Variants in PPP2R2B observed in about 807,000 individuals in gnomAD.
PPP2R2B encodes protein phosphatase 2 regulatory subunit Bbeta.
In PPP2R2B, 5 loss-of-function variants were observed where a neutral mutation model predicts 46.0. The ratio of observed to expected loss-of-function variants is 0.11; its 90% confidence interval spans 0.06 to 0.23. The LOEUF (loss-of-function observed/expected upper bound fraction) is 0.23. Ranked by LOEUF, PPP2R2B falls within the 10% of genes least tolerant of loss-of-function variation. The pLI, the probability that PPP2R2B is intolerant of heterozygous loss-of-function variation, is 1.00. For missense variants in PPP2R2B, 367 were observed against 575.0 expected, an observed-to-expected ratio of 0.64 and a Z score of 3.70; for synonymous variants, 215 against 206.7, an observed-to-expected ratio of 1.04 and a Z score of -0.34.
chr5:146,988,500 C>T (rs183415205), intron 1 of PPP2R2B, among the ~76,000 whole-genome samples: 1 of 151,968 alleles, frequency 6.6e-6, no homozygotes, highest in African/African-American at 2.4e-5. Context: ...AATTAAACAA[C>T]TTGCTCATGA....
chr5:146,826,533 C>A lies in PPP2R2B; in HGVS notation c.70+51469G>T, dbSNP rs540884490. Among the ~76,000 whole-genome samples, 30 of 152,266 alleles carry A rather than the reference C, an allele frequency of 2.0e-4. No individual in the cohort carries two copies. In the South Asian group the frequency reaches 4.8e-3, roughly 24 times the overall value. On this transcript the variant is annotated intron_variant, in intron 2 of 9. Transcript: ENST00000394411. ...TGTAACAAACCAGAGGTTGCACAAGCTGCTGGAATCACAAGAACACTAACT... is the reference window on the plus strand; with the variant it reads ...TGTAACAAACCAGAGGTTGCACAAGATGCTGGAATCACAAGAACACTAACT...
At chr5:146,645,907 A>G (rs779859240) in intron 6 of PPP2R2B, among the ~76,000 whole-genome samples, 1 of 152,054 alleles carries the variant, frequency 6.6e-6, no homozygotes, top group Non-Finnish European at 1.5e-5. Flanking sequence ...CCAACATGTC[A>G]TACTCTCTCC....
intron 1 of PPP2R2B, among the ~76,000 whole-genome samples, chr5:146,909,274 G>A (rs1057471871): frequency 6.6e-6 from 1 of 152,194 alleles, no homozygotes; most frequent in African/African-American, 2.4e-5. Context: ...GGAAGAGTGG[G>A]TAACTTATCA....
At chr5:146,788,709 G>A (rs1582105807) in intron 2 of PPP2R2B, among the ~76,000 whole-genome samples, 1 of 152,152 alleles carries the variant, frequency 6.6e-6, no homozygotes, top group Non-Finnish European at 1.5e-5. Flanking sequence ...TTTCAGCCTG[G>A]GTGACAGAGA....
At chr5:146,940,540 C>A (rs775207255) in intron 1 of PPP2R2B, among the ~76,000 whole-genome samples, 12 of 151,862 alleles carry the variant, frequency 7.9e-5, no homozygotes, top group Non-Finnish European at 1.5e-4. Context: ...GGCTACTGCC[C>A]AAGGAGAACA....
chr5:146,862,876 A>C (rs1024632054), intron 2 of PPP2R2B, among the ~76,000 whole-genome samples: 4 of 151,428 alleles, frequency 2.6e-5, no homozygotes, highest in African/African-American at 7.3e-5. Context: ...AAAAAAAAAA[A>C]ACCCTGGCTT....
intron 2 of PPP2R2B, among the ~76,000 whole-genome samples, chr5:146,874,328 A>C (rs1761777521): frequency 6.6e-6 from 1 of 152,238 alleles, no homozygotes; most frequent in African/African-American, 2.4e-5. Flanking sequence ...TGAATCAATA[A>C]TTGAAAGGAG....
At chr5:146,993,273 C>T (rs758899941) in intron 1 of PPP2R2B, among the ~76,000 whole-genome samples, 10 of 136,426 alleles carry the variant, frequency 7.3e-5, no homozygotes, top group Admixed American at 1.5e-4. Flanking sequence ...GACAGGGTCT[C>T]GCACTATCAC....
upstream of PPP2R2B, chr5:147,081,467 G>A (rs962168188): frequency 9.7e-6 from 6 of 617,676 alleles, no homozygotes; most frequent in Non-Finnish European, 1.7e-5. Flanking sequence ...TCCCCTGTGT[G>A]ACTGGCCCTT....
intron 2 of PPP2R2B, among the ~76,000 whole-genome samples, chr5:146,740,322 CT>C (rs1270521079): frequency 5.9e-5 from 9 of 152,100 alleles, no homozygotes; most frequent in Admixed American, 2.0e-4. Context: ...GGCAATTTCC[CT>C]TATGTCTCCT....
At chr5:146,640,158 AT>A (rs949410029) in intron 6 of PPP2R2B, among the ~76,000 whole-genome samples, 2 of 152,150 alleles carry the variant, frequency 1.3e-5, no homozygotes, top group Admixed American at 6.5e-5. Flanking sequence ...TGTTGCAACA[AT>A]GGCTTTGTAT....
At chr5:146,727,303 G>T (rs1581964195) in intron 2 of PPP2R2B, among the ~76,000 whole-genome samples, 1 of 147,138 alleles carries the variant, frequency 6.8e-6, no homozygotes, top group Non-Finnish European at 1.5e-5. Context: ...TATGAGAGGT[G>T]TTTTTTTTTT....
At chr5:147,043,447 CA>C (rs1198771764) in intron 1 of PPP2R2B, among the ~76,000 whole-genome samples, 2 of 152,042 alleles carry the variant, frequency 1.3e-5, no homozygotes, top group Non-Finnish European at 2.9e-5. Context: ...CGGTCGTCAG[CA>C]AGCCAAGGAG....
chr5:146,680,109 G>A (rs1223322447), intron 5 of PPP2R2B, among the ~76,000 whole-genome samples: 1 of 151,576 alleles, frequency 6.6e-6, no homozygotes, highest in Non-Finnish European at 1.5e-5. Flanking sequence ...TGTTTATTGT[G>A]GCATTATTCA....
chr5:146,827,577 G>A (rs549685549), intron 2 of PPP2R2B, among the ~76,000 whole-genome samples: 4 of 152,236 alleles, frequency 2.6e-5, no homozygotes, highest in South Asian at 4.1e-4. Flanking sequence ...TGTTTATTGT[G>A]GTAGATGTTA....
At chr5:146,992,915 T>C (rs923102498) in intron 1 of PPP2R2B, among the ~76,000 whole-genome samples, 5 of 152,156 alleles carry the variant, frequency 3.3e-5, no homozygotes, top group Non-Finnish European at 2.9e-5. Flanking sequence ...CCTGAATTCT[T>C]TATTCTGGTG....
intron 2 of PPP2R2B, among the ~76,000 whole-genome samples, chr5:146,849,479 T>C (rs1365287074): frequency 2.0e-5 from 3 of 152,202 alleles, no homozygotes; most frequent in Admixed American, 6.5e-5. Flanking sequence ...ATCCCAAGTA[T>C]AGTGCTTGGC....
chr5:146,775,392 T>G (rs1293388543), intron 2 of PPP2R2B, among the ~76,000 whole-genome samples: 1 of 152,132 alleles, frequency 6.6e-6, no homozygotes, highest in East Asian at 1.9e-4. Flanking sequence ...GAAAAAACTA[T>G]GTGATTGTCT....
chr5:147,050,125 A>G (rs995573533), intron 1 of PPP2R2B, among the ~76,000 whole-genome samples: 1 of 152,202 alleles, frequency 6.6e-6, no homozygotes, highest in African/African-American at 2.4e-5. Context: ...TTGGCCTTAG[A>G]TGAAAGCAGG....
Sources: allele counts gnomAD v4.1 joint callset (sites outside exome capture counted in the v4.1 genomes callset), GRCh38; gene constraint gnomAD v4.1.1; transcripts MANE v1.5; gene names NCBI Gene and HGNC (gene_info 2026-07-23, HGNC 2026-07-21).